ST3GAL3: variants seen among roughly 807,000 people sequenced by gnomAD.
The protein encoded by ST3GAL3 is CMP-N-acetylneuraminate-beta-1,4-galactoside alpha-2,3-sialyltransferase.
ST3GAL3 carries 21 observed loss-of-function variants against 50.1 expected under a neutral mutation model. That is an observed-to-expected ratio of 0.42 (90% CI 0.30 to 0.60). The LOEUF is 0.60. Ranked by LOEUF, ST3GAL3 falls within the 20% of genes least tolerant of loss-of-function variation. The probability of loss-of-function intolerance (pLI) is 0.19; values close to 1 mark genes in which losing one functional copy is unlikely to be tolerated. For missense variants in ST3GAL3, 353 were observed against 489.4 expected (o/e 0.72, Z 2.63); for synonymous variants, 183 against 190.0 (o/e 0.96, Z 0.30).
Position 43,817,427 on chromosome 1 carries a change from TTC to T in ST3GAL3, c.209+2497_209+2498del, listed in dbSNP as rs769528946. Among the ~76,000 whole-genome samples the T allele has an allele frequency of 2.2e-4, 30 of 134,096 alleles. No individual in the cohort carries two copies. The East Asian group carries it at 6.4e-3, about 29-fold the overall frequency. The allele number at this position is 134,096 out of a possible 152,430, so 88.0% of individuals were successfully genotyped here. A position where few individuals can be genotyped will look rare whatever the true frequency, so the allele number is the denominator to read the frequency against. On this transcript the variant is annotated intron_variant, in intron 4 of 11. Transcript: ENST00000347631. ...CTCCTTCTTCTCCTCCTTCTCCTTC[TTC>T]TCCTTCTTCCTTCTCCTTCTTCTTT...
chr1:43,717,134 G>A (rs1272201051), intron 1 of ST3GAL3, among the ~76,000 whole-genome samples: 3 of 152,124 alleles, frequency 2.0e-5, no homozygotes, highest in Admixed American at 2.0e-4. Context: ...CTTTTCCTGA[G>A]CCTCCCAGAC....
intron 1 of ST3GAL3, among the ~76,000 whole-genome samples, chr1:43,711,898 A>C (rs1045436749): frequency 6.6e-6 from 1 of 152,240 alleles, no homozygotes; most frequent in African/African-American, 2.4e-5. Context: ...ATTTTCACTC[A>C]AATGGTTAAA....
intron 9 of ST3GAL3, among the ~76,000 whole-genome samples, chr1:43,905,934 C>G (rs1262986899): frequency 1.8e-5 from 2 of 112,282 alleles, no homozygotes; most frequent in African/African-American, 3.5e-5. Flanking sequence ...ACTCTTCCCC[C>G]TCCTCCTCCT....
chr1:43,714,474 G>A (rs1666384240), intron 1 of ST3GAL3, among the ~76,000 whole-genome samples: 1 of 146,448 alleles, frequency 6.8e-6, no homozygotes, highest in Non-Finnish European at 1.5e-5. Context: ...GCATGGCAGC[G>A]TGCACCTGTA....
intron 5 of ST3GAL3, among the ~76,000 whole-genome samples, chr1:43,880,527 C>G (rs1167773910): frequency 2.0e-5 from 3 of 152,038 alleles, no homozygotes; most frequent in Non-Finnish European, 4.4e-5. Flanking sequence ...TCACCTACCC[C>G]CTCCCTCTCT....
chr1:43,923,639 A>T (rs1232429244), intron 11 of ST3GAL3, among the ~76,000 whole-genome samples: 1 of 152,052 alleles, frequency 6.6e-6, no homozygotes, highest in East Asian at 1.9e-4. Flanking sequence ...TTTTTGAGAT[A>T]GGGTTTCACT....
At chr1:43,798,715 C>G (rs1278761235) in intron 3 of ST3GAL3, among the ~76,000 whole-genome samples, 2 of 152,198 alleles carry the variant, frequency 1.3e-5, no homozygotes, top group Non-Finnish European at 2.9e-5. Context: ...TAGCATGCCT[C>G]CTTCCTTCAA....
In ST3GAL3 at chr1:43,899,766, T is replaced by G. The variant is rs1430743050; in HGVS notation, c.744+39T>G. ...GCACCAGCTTCTTCCCCTCTTGCCC[T>G]GGGCTTCCGCAACTCCTAAGCAATC... is the stretch of plus-strand genomic sequence containing the variant. On this transcript the variant is annotated intron_variant, in intron 9 of 11. Coordinates refer to ENST00000347631, the MANE Select transcript of ST3GAL3 (RefSeq NM_006279.5). The surrounding 1 kb of genome is among the most constrained non-coding windows in gnomAD (Gnocchi z 5.4). The G allele has an allele frequency of 1.9e-6, 3 of 1,595,502 alleles. No individual in the cohort carries two copies. The highest frequency in any genetic ancestry group is 4.5e-5 in the East Asian group (2 of 44,784).
chr1:43,911,096 G>A (rs2080731285), intron 9 of ST3GAL3: 1 of 151,408 alleles, frequency 6.6e-6, no homozygotes, highest in Non-Finnish European at 1.5e-5. Flanking sequence ...GCTGTGAGCA[G>A]AGCTTGGATG....
chr1:43,775,952 C>T (rs1697082652), intron 2 of ST3GAL3, among the ~76,000 whole-genome samples: 1 of 152,190 alleles, frequency 6.6e-6, no homozygotes, highest in African/African-American at 2.4e-5. Flanking sequence ...CCATTGACCA[C>T]AGTATGGTCA....
At chr1:43,771,616 C>T (rs1695211885) in intron 2 of ST3GAL3, among the ~76,000 whole-genome samples, 1 of 152,164 alleles carries the variant, frequency 6.6e-6, no homozygotes, top group Non-Finnish European at 1.5e-5. Context: ...CTCGGCCTCC[C>T]AAAGTACTGG....
chr1:43,828,243 TAACTC>T (rs1337941326), intron 4 of ST3GAL3, among the ~76,000 whole-genome samples: 12 of 152,218 alleles, frequency 7.9e-5, no homozygotes, highest in Non-Finnish European at 1.3e-4. Flanking sequence ...TCACAAAAAT[TAACTC>T]AAAATGGAAC....
chr1:43,817,612 T>TCCTTCTCCTCCTC lies in ST3GAL3; in HGVS notation c.209+2694_209+2706dup, dbSNP rs1558438203. Among the ~76,000 whole-genome samples the TCCTTCTCCTCCTC allele has an allele frequency of 1.8e-3, 235 of 130,054 alleles. 6 individuals carry two copies. The highest frequency in any genetic ancestry group is 4.1e-3 in the Middle Eastern group (1 of 246). The allele number at this position is 130,054 out of a possible 152,430, so 85.3% of individuals were successfully genotyped here. The stretch of plus-strand genomic sequence containing the variant: ...TTCTCCTCCTCCCTTCTCCTTCTCC[T>TCCTTCTCCTCCTC]CCTTCTCCTCCTCCCTTCTCCTCCT... On this transcript the variant is annotated intron_variant, in intron 4 of 11. Coordinates refer to ENST00000347631, the MANE Select transcript of ST3GAL3 (RefSeq NM_006279.5).
chr1:43,714,700 G>A (rs1173280335), intron 1 of ST3GAL3, among the ~76,000 whole-genome samples: 1 of 152,172 alleles, frequency 6.6e-6, no homozygotes, highest in Non-Finnish European at 1.5e-5. Context: ...AAATGTGTGT[G>A]ACCATAATAT....
At chr1:43,906,395 C>T (rs376782912) in intron 9 of ST3GAL3, among the ~76,000 whole-genome samples, 1 of 142,602 alleles carries the variant, frequency 7.0e-6, no homozygotes, top group Non-Finnish European at 1.5e-5. Flanking sequence ...TTTCCCGCCA[C>T]TTTTCTTCCA....
chr1:43,927,670 C>T (rs1431674792), intron 11 of ST3GAL3, among the ~76,000 whole-genome samples: 2 of 152,234 alleles, frequency 1.3e-5, no homozygotes, highest in Non-Finnish European at 2.9e-5. Flanking sequence ...GGCACCTACT[C>T]TGTGCCTAAC....
chr1:43,755,482 C>G (rs1687697997), intron 2 of ST3GAL3, among the ~76,000 whole-genome samples: 1 of 152,162 alleles, frequency 6.6e-6, no homozygotes, highest in Non-Finnish European at 1.5e-5. Context: ...TATGCTTTAG[C>G]TCAGCAAGTC....
chr1:43,836,937 T>C lies in ST3GAL3; in HGVS notation c.210-1282T>C, dbSNP rs141112602. On this transcript the variant is annotated intron_variant, in intron 4 of 11. Transcript: ENST00000347631. ...ACAGGCCAGGATTAGAACACAAGTC[T>C]TCTGAAAAATATGTAGCAGTCTCAG... 1.2e-3 allele frequency among the ~76,000 whole-genome samples: 177 copies of C among 148,174 alleles called. 1 individual carries two copies. The highest frequency in any genetic ancestry group is 4.3e-3 in the African/African-American group (172 of 39,660).
At chr1:43,847,428 A>G (rs1251644217) in intron 5 of ST3GAL3, among the ~76,000 whole-genome samples, 1 of 152,254 alleles carries the variant, frequency 6.6e-6, no homozygotes, top group East Asian at 1.9e-4. Flanking sequence ...TGGTATGCAT[A>G]AGCAGTGGAA....
Sources: gnomAD v4.1 joint callset for allele counts (sites outside exome capture counted in the v4.1 genomes callset) on GRCh38, gnomAD v4.1.1 for gene constraint, Gnocchi (gnomAD v3.1) non-coding constraint, MANE v1.5 for transcripts, NCBI Gene and HGNC (gene_info 2026-07-23, HGNC 2026-07-21) for gene names.